The following CFAP99 variants were observed in gnomAD, a reference collection of about 807,000 sequenced individuals.
The protein encoded by CFAP99 is cilia- and flagella-associated protein 99.
Under a neutral mutation model 82.7 loss-of-function variants are expected in CFAP99, and 84 were observed. That is an observed-to-expected ratio of 1.02 (90% CI 0.85 to 1.22). The LOEUF (loss-of-function observed/expected upper bound fraction) is 1.22, where lower values mean the gene tolerates loss of function less well. CFAP99 is among the 50% of genes most tolerant of loss of function. The pLI is 0.00. For synonymous variants in CFAP99, 456 were observed against 429.5 expected, an observed-to-expected ratio of 1.06 and a Z score of -0.76; for missense variants, 1,059 against 983.5, an observed-to-expected ratio of 1.08 and a Z score of -1.03.
intron 4 of CFAP99, among the ~76,000 whole-genome samples, chr4:2,440,336 C>T (rs10014255): frequency 0.24 from 34,399 of 142,652 alleles, 4,777 homozygotes; most frequent in African/African-American, 0.45. Flanking sequence ...TTAGTAGAGA[C>T]GGGGTTTCAC....
intron 4 of CFAP99, 108 bp from the exon 5 acceptor site, chr4:2,443,022 G>A (rs1578474139): frequency 5.5e-6 from 3 of 542,578 alleles, no homozygotes. Context: ...GCCACTGGGG[G>A]TGCTGGGGGC....
intron 6 of CFAP99, among the ~76,000 whole-genome samples, chr4:2,447,760 G>A (rs138307542): frequency 7.2e-4 from 105 of 145,390 alleles, no homozygotes; most frequent in African/African-American, 2.6e-3. Context: ...ATGATCAAAT[G>A]GATGAATGGG....
At chr4:2,447,084 A>G (rs1391164807) in intron 6 of CFAP99, among the ~76,000 whole-genome samples, 1 of 151,188 alleles carries the variant, frequency 6.6e-6, no homozygotes, top group East Asian at 2.0e-4. Flanking sequence ...AGTCGGAAGG[A>G]TGGGTGGGTG....
intron 7 of CFAP99, 64 bp from the exon 8 acceptor site, chr4:2,449,870 C>T: frequency 1.3e-6 from 2 of 1,533,618 alleles, no homozygotes; most frequent in Non-Finnish European, 1.7e-6. Context: ...AGTTCGTCCT[C>T]CCATGGCCTG....
intron 11 of CFAP99, among the ~76,000 whole-genome samples, chr4:2,456,440 G>A (rs1469199745): frequency 1.3e-5 from 2 of 152,136 alleles, no homozygotes; most frequent in African/African-American, 4.8e-5. Flanking sequence ...ACTTTGGGAG[G>A]CCAAGGCAGC....
chr4:2,433,352 G>A (rs531964752), intron 2 of CFAP99, among the ~76,000 whole-genome samples: 3 of 151,958 alleles, frequency 2.0e-5, no homozygotes, highest in South Asian at 2.1e-4. Context: ...CAGCGGCCAC[G>A]CTGACTCACT....
chr4:2,428,947 G>A (rs1425676301), intron 2 of CFAP99: 1 of 152,318 alleles, frequency 6.6e-6, no homozygotes, highest in Non-Finnish European at 1.5e-5. Flanking sequence ...TGCTGATCCG[G>A]GCATCCCCAG....
Position 2,451,302 on chromosome 4 carries a change from C to A in CFAP99, c.906C>A (p.Ile302=), listed in dbSNP as rs1186839606. Residue 302 remains isoleucine, a synonymous_variant, in exon 10 of 15, where the codon ATC becomes ATA. Transcript: ENST00000635017. Reference sequence around the variant, plus strand: ...TGGTCAAGCTGAACACCACAGCCATCCTGCGAGAAGGGGCCTTGTACCAGC... The same window carrying A: ...TGGTCAAGCTGAACACCACAGCCATACTGCGAGAAGGGGCCTTGTACCAGC... The A allele has an allele frequency of 5.2e-6, 8 of 1,535,946 alleles. No individual in the cohort carries two copies. The African/African-American group carries it at 1.1e-4, about 21-fold the overall frequency.
chr4:2,426,317 C>T, intron 1 of CFAP99, 142 bp from the exon 2 acceptor site: 1 of 627,330 alleles, frequency 1.6e-6, no homozygotes, highest in Non-Finnish European at 2.9e-6. Flanking sequence ...GTAGGCCCGG[C>T]ACCCTAGCCA....
intron 5 of CFAP99, among the ~76,000 whole-genome samples, 173 bp from the exon 6 acceptor site, chr4:2,444,958 G>A (rs1734127189): frequency 6.6e-6 from 1 of 152,164 alleles, no homozygotes; most frequent in Non-Finnish European, 1.5e-5. Flanking sequence ...AGTTGACAGC[G>A]TGTATGCCTA....
chr4:2,462,729 G>A lies in CFAP99; in HGVS notation c.1948G>A (p.Ala650Thr), dbSNP rs1389083594. The change falls in exon 15 of 15, where the codon GCG (alanine) becomes ACG (threonine). Residue 650 changes from alanine to threonine, a missense_variant. By Grantham distance (58) the Ala-to-Thr change is moderately conservative. Transcript: ENST00000635017. This position sits in a 1 kb window ranked among gnomAD's most constrained non-coding sequence, Gnocchi z 4.1. ...ATGGCGGGGAGATCGGGTCCGGTCCGCGGCCGGGAGATACGCAGCGGCGGG... is the reference window on the plus strand; with the variant it reads ...ATGGCGGGGAGATCGGGTCCGGTCCACGGCCGGGAGATACGCAGCGGCGGG... The A allele has an allele frequency of 2.4e-6, 3 of 1,240,722 alleles. No individual in the cohort carries two copies. Among genetic ancestry groups the A allele is most frequent in the Non-Finnish European group, 3.0e-6 (3 of 989,214 alleles). 76.9% of individuals were successfully genotyped at this position (1,240,722 alleles called of 1,614,324 possible). A position where few individuals can be genotyped will look rare whatever the true frequency, so the allele number is the denominator to read the frequency against.
chr4:2,458,713 G>C lies in CFAP99; in HGVS notation c.1162-10G>C, dbSNP rs555041935. 7.8e-6 allele frequency: 12 copies of C among 1,531,054 alleles called. No homozygotes were observed. Among genetic ancestry groups the C allele is most frequent in the African/African-American group, 6.8e-5 (5 of 73,098 alleles). The allele number at this position is 1,531,054 out of a possible 1,614,324, so 94.8% of individuals were successfully genotyped here. A position where few individuals can be genotyped will look rare whatever the true frequency, so the allele number is the denominator to read the frequency against. On this transcript the variant is annotated splice_polypyrimidine_tract_variant and intron_variant, in intron 11 of 14. Transcript: ENST00000635017. ...CCCCACTCACCGTGGCAGGTCCGCT[G>C]TCTGGGCAGATGGCCAAGCTGATGC...
At chr4:2,436,224 G>A (rs1007802624) in intron 2 of CFAP99, among the ~76,000 whole-genome samples, 13 of 151,782 alleles carry the variant, frequency 8.6e-5, no homozygotes, top group Non-Finnish European at 1.5e-4. Flanking sequence ...GCCCCACCTC[G>A]AACTCCAGGC....
exon 5 of CFAP99, chr4:2,443,231 C>T (rs1316576001): frequency 1.3e-6 from 2 of 1,533,600 alleles, no homozygotes; most frequent in Admixed American, 3.9e-5. Flanking sequence ...ACTGGATCGA[C>T]CCCCTGATGA....
intron 2 of CFAP99, among the ~76,000 whole-genome samples, chr4:2,429,435 C>T (rs1185864805): frequency 6.6e-6 from 1 of 152,184 alleles, no homozygotes; most frequent in Non-Finnish European, 1.5e-5. Flanking sequence ...TGCATTTCCA[C>T]GGGGAGCCTG....
chr4:2,448,789 G>A lies in CFAP99; in HGVS notation c.643-881G>A, dbSNP rs554781033. On this transcript the variant is annotated intron_variant, in intron 6 of 14. Coordinates refer to ENST00000635017, the Ensembl canonical transcript of CFAP99. The surrounding 1 kb of genome is among the most constrained non-coding windows in gnomAD (Gnocchi z 5.2). ...GGTCTGGTCACACATCCACTGGAGG[G>A]AGCAGAGACAGGACACATTGAGGCA... is the stretch of plus-strand genomic sequence containing the variant. 6.6e-6 allele frequency among the ~76,000 whole-genome samples: 1 copy of A among 152,376 alleles called. No individual in the cohort carries two copies. Among genetic ancestry groups the A allele is most frequent in the East Asian group, 1.9e-4 (1 of 5,188 alleles).
At chr4:2,430,502 C>T (rs1003670422) in intron 2 of CFAP99, among the ~76,000 whole-genome samples, 2 of 129,434 alleles carry the variant, frequency 1.5e-5, no homozygotes, top group Admixed American at 1.6e-4. Flanking sequence ...TTACGCAATA[C>T]GTAAACCAAA....
rs1289408931 is a variant in CFAP99 at position 2,445,129 on chromosome 4, A to C, written c.465-2A>C. ...AGAGGTGTTTCCACTTTTGCCTTCAAGATGGCAGCCAGAGGTCCAGGAGCT... is the reference window on the plus strand; with the variant it reads ...AGAGGTGTTTCCACTTTTGCCTTCACGATGGCAGCCAGAGGTCCAGGAGCT... On this transcript the variant is annotated splice_acceptor_variant, in intron 5 of 14. Coordinates refer to ENST00000635017, the Ensembl canonical transcript of CFAP99. LOFTEE classifies it high-confidence loss of function. 2 of 1,349,030 alleles carry C rather than the reference A, an allele frequency of 1.5e-6. No homozygotes were observed. Among genetic ancestry groups the C allele is most frequent in the Non-Finnish European group, 1.9e-6 (2 of 1,053,530 alleles). 83.6% of individuals were successfully genotyped at this position (1,349,030 alleles called of 1,614,324 possible). A position where few individuals can be genotyped will look rare whatever the true frequency, so the allele number is the denominator to read the frequency against.
chr4:2,419,810 C>G (rs530193667), intron 1 of CFAP99, among the ~76,000 whole-genome samples: 4 of 152,116 alleles, frequency 2.6e-5, no homozygotes, highest in Non-Finnish European at 5.9e-5. Flanking sequence ...ATTTTCCCTA[C>G]TCTCCTCTTC....
Sources: gnomAD v4.1 joint callset for allele counts (sites outside exome capture counted in the v4.1 genomes callset) on GRCh38, gnomAD v4.1.1 for gene constraint, Gnocchi (gnomAD v3.1) non-coding constraint, MANE v1.5 for transcripts, NCBI Gene and HGNC (gene_info 2026-07-23, HGNC 2026-07-21) for gene names.